The following MAP4 variants were observed in gnomAD, a reference collection of about 807,000 sequenced individuals.
The protein encoded by MAP4 is microtubule-associated protein 4.
MAP4 carries 76 observed loss-of-function variants against 170.2 expected under a neutral mutation model. The ratio of observed to expected loss-of-function variants is 0.45; its 90% CI spans 0.37 to 0.54. MAP4 has a LOEUF of 0.54. MAP4 is among the 20% of genes least tolerant of loss of function. The pLI is 0.00. For missense variants in MAP4, 2,506 were observed against 2,748.0 expected, an observed-to-expected ratio of 0.91 and a Z score of 1.97; for synonymous variants, 909 against 994.5, an observed-to-expected ratio of 0.91 and a Z score of 1.62.
At chr3:47,959,713 C>G (rs527512534) in intron 3 of MAP4, among the ~76,000 whole-genome samples, 1 of 145,956 alleles carries the variant, frequency 6.9e-6, no homozygotes, top group South Asian at 2.2e-4. Context: ...GAGCCAAGAT[C>G]GCGCCGCTGC....
intron 10 of MAP4, chr3:47,891,238 T>A (rs766557893): frequency 6.5e-7 from 1 of 1,536,302 alleles, no homozygotes. Flanking sequence ...TATGGAGATA[T>A]AATCCAGCAG....
chr3:48,027,869 T>C (rs889732687), intron 1 of MAP4, among the ~76,000 whole-genome samples: 2 of 152,184 alleles, frequency 1.3e-5, no homozygotes, highest in African/African-American at 4.8e-5. Context: ...GATCAGGCCA[T>C]GACTATGTAT....
intron 1 of MAP4, among the ~76,000 whole-genome samples, chr3:48,024,161 T>C (rs2100111938): frequency 1.3e-5 from 2 of 151,880 alleles, no homozygotes; most frequent in South Asian, 4.2e-4. Flanking sequence ...AATACAAAAA[T>C]TAGCTGGGCG....
At chr3:47,892,927 C>A (rs952891414) in intron 10 of MAP4, 2 of 984,146 alleles carry the variant, frequency 2.0e-6, no homozygotes, top group Non-Finnish European at 2.4e-6. Context: ...CACATTCAAC[C>A]ACTCAGAAAA....
intron 16 of MAP4, 51 bp downstream of exon 16, chr3:47,869,163 G>A (rs776791661): frequency 7.3e-7 from 1 of 1,377,292 alleles, no homozygotes; most frequent in Non-Finnish European, 1.0e-6. Flanking sequence ...CAGGCTGGAA[G>A]AAGTATTTTA....
chr3:48,085,617 T>C (rs2100148637), intron 1 of MAP4, among the ~76,000 whole-genome samples: 1 of 152,176 alleles, frequency 6.6e-6, no homozygotes, highest in South Asian at 2.1e-4. Context: ...TAGACTTTTG[T>C]TCCTTGATTA....
intron 3 of MAP4, chr3:47,973,272 A>AT: frequency 1.0e-6 from 1 of 982,200 alleles, no homozygotes; most frequent in Non-Finnish European, 1.2e-6. Context: ...GGAAAAAAAA[A>AT]GAGAGAGAGA....
At chr3:48,013,335 A>G (rs1323647357) in intron 1 of MAP4, 1 of 152,070 alleles carries the variant, frequency 6.6e-6, no homozygotes, top group Non-Finnish European at 1.5e-5. Context: ...CCAATTGACC[A>G]TTTATACTAT....
At chr3:47,928,941 C>T (rs1477142468) in intron 3 of MAP4, among the ~76,000 whole-genome samples, 1 of 151,264 alleles carries the variant, frequency 6.6e-6, no homozygotes, top group African/African-American at 2.4e-5. Context: ...GAAGAAAGTA[C>T]AAAATAAGCT....
At chr3:47,873,186 T>C (rs1356181879) in intron 12 of MAP4, among the ~76,000 whole-genome samples, 3 of 152,166 alleles carry the variant, frequency 2.0e-5, no homozygotes, top group East Asian at 3.9e-4. Context: ...AGCACTGATA[T>C]CACAGCTACA....
Position 47,964,667 on chromosome 3 carries a change from C to A in MAP4, c.292+13198G>T, listed in dbSNP as rs562094245. On this transcript the variant is annotated intron_variant, in intron 3 of 20. Transcript: ENST00000683076. ...TTAACCAATATTGTATCTGTTCTTA[C>A]AAAATGTTCCCCATAACTGCTTAGC... is the stretch of plus-strand genomic sequence containing the variant. Among the ~76,000 whole-genome samples the A allele has an allele frequency of 3.5e-4, 54 of 152,296 alleles. No homozygotes were observed. In the South Asian group the frequency reaches 9.7e-3, roughly 27 times the overall value.
intron 2 of MAP4, among the ~76,000 whole-genome samples, chr3:47,994,948 CA>C (rs765432631): frequency 0.02 from 1,689 of 84,374 alleles, 5 homozygotes; most frequent in Non-Finnish European, 0.027. Flanking sequence ...GACTCCATCT[CA>C]AAAAAAAAAA....
intron 1 of MAP4, among the ~76,000 whole-genome samples, chr3:48,038,691 A>C (rs1322460604): frequency 6.6e-6 from 1 of 152,076 alleles, no homozygotes; most frequent in Middle Eastern, 3.2e-3. Context: ...TGAGCTCCTG[A>C]CCTCGTGATC....
chr3:48,029,331 G>A (rs902611000), intron 1 of MAP4, among the ~76,000 whole-genome samples: 11 of 152,032 alleles, frequency 7.2e-5, no homozygotes, highest in South Asian at 2.1e-4. Flanking sequence ...CCAGCTACTC[G>A]GGAGGCTGGC....
chr3:47,998,592 A>C (rs1234757932), intron 2 of MAP4, 46 bp downstream of exon 2: 1 of 1,473,176 alleles, frequency 6.8e-7, no homozygotes, highest in African/African-American at 1.4e-5. Flanking sequence ...CATAATCCCT[A>C]ACCTGCTTTC....
rs1488477459 is a variant in MAP4, at chr3:48,061,801, G to T, written c.-20+26972C>A. The stretch of plus-strand genomic sequence containing the variant: ...CCGTCCGGGAGGGAGGTGGGGGGCA[G>T]CCCCCACCCGGCCAGCCGCCCCATC... On this transcript the variant is annotated intron_variant, in intron 1 of 18. Transcript: ENST00000360240. Among the ~76,000 whole-genome samples the T allele has an allele frequency of 2.0e-5, 3 of 149,488 alleles. No homozygotes were observed. In the East Asian group the frequency reaches 5.9e-4, roughly 29 times the overall value.
intron 17 of MAP4, among the ~76,000 whole-genome samples, chr3:47,860,184 C>T (rs2063295560): frequency 6.6e-6 from 1 of 152,198 alleles, no homozygotes; most frequent in Admixed American, 6.6e-5. Flanking sequence ...GCCCAGGGCC[C>T]TCACCAAGAT....
chr3:48,006,797 G>C (rs1366812186), intron 1 of MAP4, among the ~76,000 whole-genome samples: 1 of 152,226 alleles, frequency 6.6e-6, no homozygotes, highest in Admixed American at 6.5e-5. Context: ...CCTGGAGAAT[G>C]ATAGTGGATT....
chr3:47,998,719 T>C lies in MAP4; in HGVS notation c.142A>G (p.Ile48Val), dbSNP rs748687830. Residue 48 changes from isoleucine (I) to valine (V), a missense_variant, in exon 2 of 21, where the codon ATT (isoleucine) becomes GTT (valine). Physicochemically the swap from Ile to Val is conservative, Grantham distance 29. Transcript: ENST00000683076. ...TTCTCATCAACATCCAGGAGAGGAA[T>C]ATAGTCTGTTTTTCCAACAGTTTCT... is the stretch of plus-strand genomic sequence containing the variant. ...VGETVGKTDYIPLLDVDEKTG... is the reference protein window; with the variant it reads ...VGETVGKTDYVPLLDVDEKTG... 1 of 1,614,146 alleles carries C rather than the reference T, an allele frequency of 6.2e-7. No homozygotes were observed. The highest frequency in any genetic ancestry group is 1.1e-5 in the South Asian group (1 of 91,090).
Sources: gnomAD v4.1 joint callset for allele counts (sites outside exome capture counted in the v4.1 genomes callset) on GRCh38, gnomAD v4.1.1 for gene constraint, MANE v1.5 for transcripts, NCBI Gene and HGNC (gene_info 2026-07-23, HGNC 2026-07-21) for gene names.